ACYP2: variants seen among roughly 807,000 people sequenced by gnomAD.
ACYP2 encodes acylphosphatase 2, also known as acylphosphatase-2.
In ACYP2, 12 loss-of-function variants were observed where a neutral mutation model predicts 11.2. The ratio of observed to expected loss-of-function variants is 1.08; its 90% CI spans 0.69 to 1.74. The LOEUF is 1.74. ACYP2 is among the 40% of genes most tolerant of loss of function. The pLI, the probability that ACYP2 is intolerant of heterozygous loss-of-function variation, is 0.00. For missense variants in ACYP2, 134 were observed against 101.9 expected, an observed-to-expected ratio of 1.31 and a Z score of -1.35; for synonymous variants, 43 against 32.2, an observed-to-expected ratio of 1.33 and a Z score of -1.13.
rs1573411151 is a variant in ACYP2 at position 53,972,234 on chromosome 2, C to T, written c.-37+913C>T. ...CTGAGGCAGGAGAATCGCTTGAAAC[C>T]GGAAGGCGGAGGTTGCAGTGAGCCA... On this transcript the variant is annotated intron_variant, in intron 1 of 6. Coordinates refer to ENST00000607452, the MANE Select transcript of ACYP2 (RefSeq NM_001320586.2). Among the ~76,000 whole-genome samples the T allele has an allele frequency of 2.0e-5, 3 of 149,520 alleles. 1 individual carries two copies. Among genetic ancestry groups the T allele is most frequent in the African/African-American group, 7.5e-5 (3 of 40,198 alleles).
At chr2:54,112,975 A>G (rs1679534092) in intron 4 of ACYP2, among the ~76,000 whole-genome samples, 2 of 152,104 alleles carry the variant, frequency 1.3e-5, no homozygotes, top group African/African-American at 2.4e-5. Context: ...GAAAATGTCA[A>G]CCTTCCCAGT....
chr2:54,007,445 G>T (rs141810385), intron 2 of ACYP2, among the ~76,000 whole-genome samples: 9,941 of 152,086 alleles, frequency 0.065, 424 homozygotes, highest in Non-Finnish European at 0.094. Context: ...AGCAGAGATG[G>T]AGTTTCACCA....
At chr2:53,979,171 A>G (rs754240907) in intron 2 of ACYP2, among the ~76,000 whole-genome samples, 40 of 152,174 alleles carry the variant, frequency 2.6e-4, no homozygotes, top group Non-Finnish European at 5.0e-4. Flanking sequence ...TTGCCCTTGA[A>G]GACCTTCCAG....
chr2:54,291,785 A>G (rs1689317934), intron 6 of ACYP2, among the ~76,000 whole-genome samples: 1 of 152,128 alleles, frequency 6.6e-6, no homozygotes, highest in Admixed American at 6.6e-5. Flanking sequence ...TAAATACAGT[A>G]TTTTTCCTGG....
At chr2:54,222,223 G>T (rs186497587) in intron 6 of ACYP2, among the ~76,000 whole-genome samples, 1 of 152,234 alleles carries the variant, frequency 6.6e-6, no homozygotes, top group Admixed American at 6.5e-5. Context: ...TATCATCACT[G>T]TGTTATTTGT....
rs545680832 is a variant in ACYP2, at chr2:54,115,647, C to G, written c.278-19806C>G. On this transcript the variant is annotated intron_variant, in intron 4 of 6. Coordinates refer to ENST00000607452, the MANE Select transcript of ACYP2 (RefSeq NM_001320586.2). Reference sequence around the variant, plus strand: ...CCCTCCCTCTCGCAGCCGCCGCAGTCGCTGCGCCCCGAGCCCCTCTCCGGC... The same window carrying G: ...CCCTCCCTCTCGCAGCCGCCGCAGTGGCTGCGCCCCGAGCCCCTCTCCGGC... The G allele has an allele frequency of 5.0e-6, 8 of 1,588,750 alleles. No individual in the cohort carries two copies. In the East Asian group the frequency reaches 1.6e-4, roughly 32 times the overall value.
chr2:54,086,697 G>GC (rs1558518682), intron 4 of ACYP2, among the ~76,000 whole-genome samples: 3 of 152,176 alleles, frequency 2.0e-5, no homozygotes, highest in Non-Finnish European at 2.9e-5. Flanking sequence ...GCACGCGCGC[G>GC]CTAGTGCGTG....
chr2:53,988,846 T>C (rs1672148257), intron 2 of ACYP2, among the ~76,000 whole-genome samples: 1 of 152,064 alleles, frequency 6.6e-6, no homozygotes, highest in Non-Finnish European at 1.5e-5. Flanking sequence ...CCCGGGTTCA[T>C]GCGATTTTCC....
intron 4 of ACYP2, among the ~76,000 whole-genome samples, chr2:54,105,215 C>A (rs774760237): frequency 3.3e-5 from 5 of 152,146 alleles, no homozygotes; most frequent in African/African-American, 1.2e-4. Context: ...CCTGGCATGA[C>A]CTTTCTCCTT....
chr2:54,137,148 A>G (rs538727361), intron 5 of ACYP2, among the ~76,000 whole-genome samples: 2 of 152,240 alleles, frequency 1.3e-5, no homozygotes, highest in African/African-American at 4.8e-5. Context: ...AAATCTACCC[A>G]TAGACAATTA....
chr2:53,971,186 C>T lies in ACYP2; in HGVS notation c.-172C>T, dbSNP rs1173263450. The T allele has an allele frequency of 2.3e-5, 4 of 176,022 alleles. No individual in the cohort carries two copies. Among genetic ancestry groups the T allele is most frequent in the East Asian group, 1.5e-4 (1 of 6,530 alleles). 10.9% of individuals were successfully genotyped at this position (176,022 alleles called of 1,614,324 possible). ...CCGGCTCGGAGCCCCCACCCCAGGC[C>T]TCACCGGCCCAGCGCGAGGCTGCCT... On this transcript the variant is annotated 5_prime_UTR_variant, in exon 1 of 7. Transcript: ENST00000607452.
At chr2:54,164,328 T>G (rs993701985) in intron 6 of ACYP2, among the ~76,000 whole-genome samples, 6 of 152,080 alleles carry the variant, frequency 3.9e-5, no homozygotes, top group African/African-American at 1.4e-4. Flanking sequence ...CTGCCAGGCT[T>G]TTGAGTTTTG....
intron 6 of ACYP2, among the ~76,000 whole-genome samples, chr2:54,202,731 TTTTTTTTTTTTTTTTTG>T (rs2103913873): frequency 8.3e-6 from 1 of 121,068 alleles, no homozygotes; most frequent in African/African-American, 3.3e-5. Context: ...TTTTTTTTTT[TTTTTTTTTTTTTTTTTG>T]AGATGAGTCT....
chr2:54,033,147 G>A lies in ACYP2; in HGVS notation c.63-17811G>A, dbSNP rs183666768. ...GTCTGCGAAATTAATGAGGCTCACAGAGATATGAGTGTGGGAGTGTGGTTA... is the reference window on the plus strand; with the variant it reads ...GTCTGCGAAATTAATGAGGCTCACAAAGATATGAGTGTGGGAGTGTGGTTA... On this transcript the variant is annotated intron_variant, in intron 2 of 6. Transcript: ENST00000607452. Among the ~76,000 whole-genome samples the A allele has an allele frequency of 2.4e-3, 362 of 151,762 alleles. 1 individual carries two copies. The highest frequency in any genetic ancestry group is 0.014 in the Middle Eastern group (4 of 288).
At chr2:54,252,203 A>G in intron 6 of ACYP2, among the ~76,000 whole-genome samples, 1 of 152,228 alleles carries the variant, frequency 6.6e-6, no homozygotes, top group East Asian at 1.9e-4. Context: ...TACATCCAAC[A>G]ACATATTTGT....
intron 4 of ACYP2, among the ~76,000 whole-genome samples, chr2:54,107,557 G>GA (rs1679231473): frequency 6.6e-6 from 1 of 152,000 alleles, no homozygotes; most frequent in Non-Finnish European, 1.5e-5. Flanking sequence ...TTTAGTTACT[G>GA]AAAAAATAAT....
intron 2 of ACYP2, among the ~76,000 whole-genome samples, chr2:53,986,343 T>TA (rs1491374490): frequency 3.5e-5 from 2 of 56,582 alleles, no homozygotes; most frequent in Admixed American, 1.9e-4. Flanking sequence ...AGTAAACCTC[T>TA]TTTTTTTTTT....
At chr2:54,144,673 C>CAAA (rs60045228) in intron 6 of ACYP2, among the ~76,000 whole-genome samples, 10,154 of 113,012 alleles carry the variant, frequency 0.09, 474 homozygotes, top group Non-Finnish European at 0.13. Context: ...GACTCTGTCT[C>CAAA]AAAAAAAAAA....
intron 6 of ACYP2, among the ~76,000 whole-genome samples, chr2:54,266,161 T>C (rs999769104): frequency 2.0e-5 from 3 of 152,174 alleles, no homozygotes; most frequent in Non-Finnish European, 4.4e-5. Flanking sequence ...AATGGAAACC[T>C]CATATACTAG....
Sources: gnomAD v4.1 joint callset for allele counts (sites outside exome capture counted in the v4.1 genomes callset) on GRCh38, gnomAD v4.1.1 for gene constraint, MANE v1.5 for transcripts, NCBI Gene and HGNC (gene_info 2026-07-23, HGNC 2026-07-21) for gene names.